CDIN1: variants seen among roughly 807,000 people sequenced by gnomAD.
CDIN1 encodes the protein CDAN1-interacting nuclease 1.
A neutral mutation model predicts 45.3 loss-of-function variants in CDIN1; 33 were observed. The observed-to-expected ratio is 0.73, with a 90% CI of 0.55 to 0.97. The LOEUF is 0.97. Ranked by LOEUF, CDIN1 falls within the 50% of genes least tolerant of loss-of-function variation. The pLI, the probability that CDIN1 is intolerant of heterozygous loss-of-function variation, is 0.00. For synonymous variants in CDIN1, 118 were observed against 124.4 expected, an observed-to-expected ratio of 0.95 and a Z score of 0.34; for missense variants, 303 against 339.4, an observed-to-expected ratio of 0.89 and a Z score of 0.84.
chr15:36,615,489 A>C (rs1284481995), intron 1 of CDIN1, among the ~76,000 whole-genome samples: 2 of 152,262 alleles, frequency 1.3e-5, no homozygotes, highest in Admixed American at 6.5e-5. Context: ...GAAAATAATA[A>C]TAATAAAAAG....
chr15:36,798,938 A>G (rs1242153223), intron 10 of CDIN1: 1 of 152,202 alleles, frequency 6.6e-6, no homozygotes, highest in Non-Finnish European at 1.5e-5. Flanking sequence ...CAAACACCAA[A>G]ATGGACTGCA....
intron 10 of CDIN1, among the ~76,000 whole-genome samples, chr15:36,746,047 A>G (rs1190238729): frequency 6.6e-6 from 1 of 152,192 alleles, no homozygotes; most frequent in African/African-American, 2.4e-5. Context: ...TTTTAGTACA[A>G]TTAGAGCGAA....
Position 36,809,302 on chromosome 15 carries a change from TTA to T in CDIN1, c.*851_*852del, listed in dbSNP as rs942625781. The T allele has an allele frequency of 7.8e-5, 15 of 191,128 alleles. No individual in the cohort carries two copies. The highest frequency in any genetic ancestry group is 6.7e-4 in the Admixed American group (12 of 17,998). The allele number at this position is 191,128 out of a possible 1,614,324, so 11.8% of individuals were successfully genotyped here. A position where few individuals can be genotyped will look rare whatever the true frequency, so the allele number is the denominator to read the frequency against. On this transcript the variant is annotated 3_prime_UTR_variant, in exon 11 of 11. Coordinates refer to ENST00000566621, the MANE Select transcript of CDIN1 (RefSeq NM_001321759.2). ...TCAGTATGTACGTGAGCTAGTATTT[TTA>T]TGAGTCGAGTTTTTTAAAGGCACAT... is the stretch of plus-strand genomic sequence containing the variant.
chr15:36,629,116 G>A (rs1409436271), intron 1 of CDIN1, among the ~76,000 whole-genome samples: 1 of 152,126 alleles, frequency 6.6e-6, no homozygotes, highest in East Asian at 1.9e-4. Flanking sequence ...ATTGATTTTG[G>A]CCTGCTGATA....
intron 1 of CDIN1, among the ~76,000 whole-genome samples, chr15:36,640,253 G>A (rs192911998): frequency 3.9e-5 from 6 of 152,224 alleles, no homozygotes; most frequent in South Asian, 2.1e-4. Flanking sequence ...GGCAGGGGGC[G>A]TTGGGGGAGG....
Position 36,726,553 on chromosome 15 carries a change from G to T in CDIN1, c.716+16592G>T, listed in dbSNP as rs566981418. Among the ~76,000 whole-genome samples the T allele has an allele frequency of 5.3e-5, 8 of 152,262 alleles. No homozygotes were observed. The East Asian group carries it at 7.7e-4, about 15-fold the overall frequency. On this transcript the variant is annotated intron_variant, in intron 10 of 10. Coordinates refer to ENST00000566621, the MANE Select transcript of CDIN1 (RefSeq NM_001321759.2). ...TGACATTGTAGATGTACTTCTCATT[G>T]TAGAACATTTATCTACATAGGAATA...
intron 7 of CDIN1, 88 bp downstream of exon 7, chr15:36,692,263 T>C: frequency 1.6e-6 from 2 of 1,284,948 alleles, no homozygotes; most frequent in Non-Finnish European, 1.1e-6. Context: ...CATAAAGTTC[T>C]GCTTCACAAA....
intron 7 of CDIN1, among the ~76,000 whole-genome samples, chr15:36,694,120 A>G (rs988874937): frequency 6.6e-6 from 1 of 152,230 alleles, no homozygotes; most frequent in Non-Finnish European, 1.5e-5. Context: ...TAATTAAGAA[A>G]CATATCTTTC....
intron 1 of CDIN1, chr15:36,595,029 G>A (rs1306434657): frequency 1.9e-6 from 1 of 515,170 alleles, no homozygotes; most frequent in Non-Finnish European, 2.5e-6. Flanking sequence ...ATGTTCTTAT[G>A]GCTTATGGAA....
At chr15:36,644,414 C>T in intron 2 of CDIN1, 91 bp downstream of exon 2, 1 of 1,381,218 alleles carries the variant, frequency 7.2e-7, no homozygotes, top group Non-Finnish European at 1.0e-6. Context: ...TGCCAGCTCT[C>T]TGATTGGGTT....
chr15:36,742,991 G>C (rs570905232), intron 10 of CDIN1, among the ~76,000 whole-genome samples: 1 of 152,130 alleles, frequency 6.6e-6, no homozygotes, highest in Non-Finnish European at 1.5e-5. Context: ...AGGTTTTCTA[G>C]GTAACCTATT....
intron 5 of CDIN1, among the ~76,000 whole-genome samples, chr15:36,666,316 A>G (rs1021652876): frequency 6.6e-6 from 1 of 152,202 alleles, no homozygotes; most frequent in African/African-American, 2.4e-5. Flanking sequence ...TAGTAGACTG[A>G]GAATTATCAT....
At chr15:36,614,043 T>C in intron 1 of CDIN1, 1 of 1,152,980 alleles carries the variant, frequency 8.7e-7, no homozygotes, top group Non-Finnish European at 1.3e-6. Flanking sequence ...AGATCAAGAT[T>C]CTACTGATAA....
intron 1 of CDIN1, chr15:36,618,205 A>C (rs2038988421): frequency 1.5e-6 from 1 of 679,752 alleles, no homozygotes; most frequent in Non-Finnish European, 2.7e-6. Flanking sequence ...TCCAAAAAAA[A>C]ACCTGAAGCC....
intron 1 of CDIN1, chr15:36,614,174 G>A (rs1345666115): frequency 1.2e-5 from 8 of 683,158 alleles, no homozygotes; most frequent in East Asian, 5.7e-5. Context: ...TGCTGGACCA[G>A]ACTCTGCTGA....
At chr15:36,590,897 AC>A (rs2037539943) in intron 1 of CDIN1, among the ~76,000 whole-genome samples, 1 of 152,232 alleles carries the variant, frequency 6.6e-6, no homozygotes, top group East Asian at 1.9e-4. Flanking sequence ...TTACCAGCAA[AC>A]TGACTTGTGC....
At chr15:36,618,708 G>A in intron 1 of CDIN1, 2 of 781,402 alleles carry the variant, frequency 2.6e-6, no homozygotes, top group Admixed American at 1.7e-5. Flanking sequence ...AACTCAGTAT[G>A]AGTACCAGTT....
chr15:36,712,508 C>T (rs1161168764), intron 10 of CDIN1, among the ~76,000 whole-genome samples: 1 of 152,052 alleles, frequency 6.6e-6, no homozygotes, highest in African/African-American at 2.4e-5. Flanking sequence ...TCATGATCCA[C>T]CTTCCTTGGT....
At chr15:36,785,066 A>C (rs1440165348) in intron 10 of CDIN1, among the ~76,000 whole-genome samples, 1 of 152,164 alleles carries the variant, frequency 6.6e-6, no homozygotes, top group African/African-American at 2.4e-5. Context: ...GTAAAGGTTT[A>C]GTGTACACGT....
Sources: gnomAD v4.1 joint callset for allele counts (sites outside exome capture counted in the v4.1 genomes callset) on GRCh38, gnomAD v4.1.1 for gene constraint, MANE v1.5 for transcripts, NCBI Gene and HGNC (gene_info 2026-07-23, HGNC 2026-07-21) for gene names.